The following UNC5C variants were observed in gnomAD, a reference collection of about 807,000 sequenced individuals.
UNC5C encodes netrin receptor UNC5C.
UNC5C carries 47 observed loss-of-function variants against 99.8 expected under a neutral mutation model. The ratio of observed to expected loss-of-function variants is 0.47; its 90% CI spans 0.37 to 0.60. UNC5C has a LOEUF of 0.60. Among genes scored for constraint, UNC5C ranks in the 20% least tolerant of loss-of-function variants. UNC5C has a pLI of 0.00. For synonymous variants in UNC5C, 487 were observed against 452.2 expected, an observed-to-expected ratio of 1.08 and a Z score of -0.98; for missense variants, 1,062 against 1,165.9, an observed-to-expected ratio of 0.91 and a Z score of 1.30.
rs1208781802 is a variant in UNC5C at position 95,448,227 on chromosome 4, T to TGAGAGAGAGAGA, written c.124+100495_124+100506dup. Among the ~76,000 whole-genome samples, 240 of 100,128 alleles carry TGAGAGAGAGAGA rather than the reference T, an allele frequency of 2.4e-3. 2 individuals are homozygous for TGAGAGAGAGAGA. Among genetic ancestry groups the TGAGAGAGAGAGA allele is most frequent in the Middle Eastern group, 9.7e-3 (2 of 206 alleles). 65.7% of individuals were successfully genotyped at this position (100,128 alleles called of 152,430 possible). On this transcript the variant is annotated intron_variant, in intron 1 of 15. Transcript: ENST00000453304. The stretch of plus-strand genomic sequence containing the variant: ...GTGTGTGTGTGTGTGTGTGTGTGTG[T>TGAGAGAGAGAGA]GAGAGAGAGAGAGAGAGAGAGAGAG...
At chr4:95,350,382 G>A (rs548068691) in intron 1 of UNC5C, among the ~76,000 whole-genome samples, 2 of 152,150 alleles carry the variant, frequency 1.3e-5, no homozygotes, top group South Asian at 4.2e-4. Flanking sequence ...AGCTACTCAG[G>A]AGGCTGAGGC....
chr4:95,334,401 A>G (rs939719367), intron 2 of UNC5C, among the ~76,000 whole-genome samples: 1 of 151,950 alleles, frequency 6.6e-6, no homozygotes, highest in East Asian at 1.9e-4. Flanking sequence ...AAATGCTTCA[A>G]TTTTTGTCAT....
intron 1 of UNC5C, among the ~76,000 whole-genome samples, chr4:95,511,003 T>C (rs35063103): frequency 0.27 from 40,575 of 152,042 alleles, 6,586 homozygotes; most frequent in Non-Finnish European, 0.35. Flanking sequence ...TCATAATTTC[T>C]GTTGAATATA....
chr4:95,479,433 C>T (rs902018381), intron 1 of UNC5C, among the ~76,000 whole-genome samples: 1 of 151,912 alleles, frequency 6.6e-6, no homozygotes, highest in Non-Finnish European at 1.5e-5. Flanking sequence ...GATGATACTG[C>T]TATGCACCCA....
At chr4:95,329,122 T>C (rs1743015743) in intron 2 of UNC5C, among the ~76,000 whole-genome samples, 1 of 151,914 alleles carries the variant, frequency 6.6e-6, no homozygotes, top group Non-Finnish European at 1.5e-5. Context: ...CAAGACCCCA[T>C]CTCTACAAAA....
chr4:95,514,658 T>TAC (rs1320528334), intron 1 of UNC5C, among the ~76,000 whole-genome samples: 2 of 148,630 alleles, frequency 1.3e-5, no homozygotes, highest in African/African-American at 2.5e-5. Flanking sequence ...TATATATATA[T>TAC]ACATATATAC....
At chr4:95,519,266 T>G (rs1357133688) in intron 1 of UNC5C, among the ~76,000 whole-genome samples, 1 of 152,090 alleles carries the variant, frequency 6.6e-6, no homozygotes, top group East Asian at 1.9e-4. Context: ...ATCTAGCTAT[T>G]ACAATAAGGT....
At chr4:95,395,941 A>G (rs1258168341) in intron 1 of UNC5C, among the ~76,000 whole-genome samples, 3 of 152,204 alleles carry the variant, frequency 2.0e-5, no homozygotes, top group Admixed American at 6.5e-5. Flanking sequence ...GAGTTGGAGT[A>G]CACAGATGGG....
chr4:95,275,443 A>C (rs1034890777), intron 4 of UNC5C, among the ~76,000 whole-genome samples: 2 of 152,204 alleles, frequency 1.3e-5, no homozygotes, highest in Admixed American at 1.3e-4. Context: ...TTCTGCAAAG[A>C]CACTATTATT....
intron 1 of UNC5C, among the ~76,000 whole-genome samples, chr4:95,511,232 G>A (rs1366918330): frequency 6.6e-6 from 1 of 152,040 alleles, no homozygotes; most frequent in Non-Finnish European, 1.5e-5. Context: ...CACCACAAAG[G>A]AGAGTTTAGC....
In UNC5C at chr4:95,257,267, T is replaced by C. The variant is rs559446167; in HGVS notation, c.595-6600A>G. The stretch of plus-strand genomic sequence containing the variant: ...GAAACATGCAAAAATTAGTAGAGCA[T>C]GGGGCATGTGCTTGTATTTGCAGCT... On this transcript the variant is annotated intron_variant, in intron 4 of 15. Coordinates refer to ENST00000453304, the MANE Select transcript of UNC5C (RefSeq NM_003728.4). Among the ~76,000 whole-genome samples the C allele has an allele frequency of 5.3e-5, 8 of 152,066 alleles. No individual in the cohort carries two copies. The East Asian group carries it at 1.4e-3, about 26-fold the overall frequency.
intron 12 of UNC5C, among the ~76,000 whole-genome samples, chr4:95,192,451 TCTC>T (rs1737182985): frequency 1.1e-5 from 1 of 88,956 alleles, no homozygotes; most frequent in African/African-American, 4.6e-5. Flanking sequence ...CCCCTTCTCA[TCTC>T]CTTCCCTGTT....
chr4:95,307,744 C>A (rs560392940), intron 2 of UNC5C, among the ~76,000 whole-genome samples: 1 of 152,194 alleles, frequency 6.6e-6, no homozygotes, highest in South Asian at 2.1e-4. Context: ...AAACCAAATG[C>A]AACAGCACAT....
intron 1 of UNC5C, among the ~76,000 whole-genome samples, chr4:95,486,615 G>A (rs989089047): frequency 1.3e-5 from 2 of 151,496 alleles, no homozygotes; most frequent in Non-Finnish European, 1.5e-5. Flanking sequence ...CCTCCAAACT[G>A]CTACCAGAGT....
At chr4:95,174,096 A>G (rs1366293488) in intron 14 of UNC5C, among the ~76,000 whole-genome samples, 2 of 151,922 alleles carry the variant, frequency 1.3e-5, no homozygotes, top group Admixed American at 1.3e-4. Context: ...TATCCCCTTT[A>G]TCATTTTTTA....
intron 1 of UNC5C, among the ~76,000 whole-genome samples, chr4:95,416,175 A>T (rs1367565430): frequency 6.6e-6 from 1 of 152,178 alleles, no homozygotes; most frequent in Non-Finnish European, 1.5e-5. Context: ...CTTATTTTAC[A>T]GAATGGGCTG....
chr4:95,361,746 C>T (rs1443429944), intron 1 of UNC5C, among the ~76,000 whole-genome samples: 3 of 151,990 alleles, frequency 2.0e-5, no homozygotes, highest in South Asian at 2.1e-4. Flanking sequence ...CCAGTAATTC[C>T]GAAAAAGCTT....
intron 1 of UNC5C, among the ~76,000 whole-genome samples, chr4:95,427,963 C>A (rs2149459140): frequency 6.6e-6 from 1 of 152,112 alleles, no homozygotes; most frequent in Admixed American, 6.5e-5. Context: ...TATAATAGGC[C>A]TTCAGCTATT....
intron 2 of UNC5C, among the ~76,000 whole-genome samples, chr4:95,322,923 G>A (rs1433941047): frequency 6.8e-6 from 1 of 146,986 alleles, no homozygotes; most frequent in Non-Finnish European, 1.5e-5. Flanking sequence ...GGGTGACAGA[G>A]CGAGATTCTG....
Sources: gnomAD v4.1 joint callset for allele counts (sites outside exome capture counted in the v4.1 genomes callset) on GRCh38, gnomAD v4.1.1 for gene constraint, MANE v1.5 for transcripts, NCBI Gene and HGNC (gene_info 2026-07-23, HGNC 2026-07-21) for gene names.